The following PRPF8 variants were observed in gnomAD, a reference collection of about 807,000 sequenced individuals.
PRPF8 encodes pre-mRNA-processing-splicing factor 8.
PRPF8 carries 64 observed loss-of-function variants against 285.9 expected under a neutral mutation model. The ratio of observed to expected loss-of-function variants is 0.22; its 90% CI spans 0.18 to 0.28. PRPF8 has a LOEUF of 0.28. Among genes scored for constraint, PRPF8 ranks in the 10% least tolerant of loss-of-function variants. The probability of loss-of-function intolerance (pLI) is 1.00; values close to 1 mark genes in which losing one functional copy is unlikely to be tolerated. For synonymous variants in PRPF8, 1,325 were observed against 1,118.2 expected, an observed-to-expected ratio of 1.18 and a Z score of -3.69; for missense variants, 1,426 against 3,026.7, an observed-to-expected ratio of 0.47 and a Z score of 12.41.
Position 1,661,216 on chromosome 17 carries a change from T to G in PRPF8, c.4339-54A>C. On this transcript the variant is annotated intron_variant, in intron 27 of 42. Transcript: ENST00000304992. This position sits in a 1 kb window ranked among gnomAD's most constrained non-coding sequence, Gnocchi z 7.3. ...TTCTGGGTGCCTATTGCCCCAAGTT[T>G]CGGGGATAGCCATGGATTTTCCTGA... 1.2e-6 allele frequency: 2 copies of G among 1,614,108 alleles called. No homozygotes were observed. Among genetic ancestry groups the G allele is most frequent in the Non-Finnish European group, 1.7e-6 (2 of 1,180,026 alleles).
Position 1,651,743 on chromosome 17 carries a change from C to A in PRPF8, c.6415G>T (p.Val2139Leu). ...ATCACAATGCAGCGGATCTCCTTCA[C>A]CTGGGGGTTATCTGGTGGGCTCACC... Reference protein sequence around the residue: ...YGVSPPDNPQVKEIRCIVMVP... With the variant: ...YGVSPPDNPQLKEIRCIVMVP... The change falls in exon 40 of 43, where the codon GTG becomes TTG. Residue 2139 changes from valine to leucine, a missense_variant. Physicochemically the swap from Val to Leu is conservative, Grantham distance 32. Around this residue, in one of 34 missense-constraint regions of PRPF8, gnomAD observed 160 missense variants for 373.7 expected, o/e 0.43. Coordinates refer to ENST00000304992, the MANE Select transcript of PRPF8 (RefSeq NM_006445.4). The surrounding 1 kb of genome is among the most constrained non-coding windows in gnomAD (Gnocchi z 5.1). The A allele has an allele frequency of 1.9e-6, 3 of 1,614,162 alleles. No individual in the cohort carries two copies. The highest frequency in any genetic ancestry group is 2.5e-6 in the Non-Finnish European group (3 of 1,180,038).
chr17:1,658,197 C>A lies in PRPF8; in HGVS notation c.5505+56G>T. ...AACCAGTAAATATTACCAAGTCCAC[C>A]CCAAGAATAAGAGGCAACATGGTTC... On this transcript the variant is annotated intron_variant, in intron 34 of 42. Transcript: ENST00000304992. The surrounding 1 kb of genome is among the most constrained non-coding windows in gnomAD (Gnocchi z 4.1). 1 of 1,612,628 alleles carries A rather than the reference C, an allele frequency of 6.2e-7. No homozygotes were observed. Among genetic ancestry groups the A allele is most frequent in the Non-Finnish European group, 8.5e-7 (1 of 1,179,636 alleles).
chr17:1,671,188 A>G (rs1483989090), intron 24 of PRPF8, among the ~76,000 whole-genome samples: 1 of 152,152 alleles, frequency 6.6e-6, no homozygotes, highest in African/African-American at 2.4e-5. Flanking sequence ...GTCTCATCAC[A>G]TGCTACTTCT....
In PRPF8 at chr17:1,659,683, T is replaced by C; in HGVS notation, c.4947-135A>G. The C allele has an allele frequency of 7.4e-7, 1 of 1,360,296 alleles. No individual in the cohort carries two copies. Among genetic ancestry groups the C allele is most frequent in the South Asian group, 1.2e-5 (1 of 81,664 alleles). The allele number at this position is 1,360,296 out of a possible 1,614,324, so 84.3% of individuals were successfully genotyped here. ...TCCAGGTCAGCAGGACCCCAGAGAA[T>C]CAGCAGATCTGACTAAGGGTGTTGA... is the stretch of plus-strand genomic sequence containing the variant. On this transcript the variant is annotated intron_variant, in intron 31 of 42. Transcript: ENST00000304992. This position sits in a 1 kb window ranked among gnomAD's most constrained non-coding sequence, Gnocchi z 5.1.
In PRPF8 at chr17:1,658,241, AAAC is replaced by A; in HGVS notation, c.5505+9_5505+11del. On this transcript the variant is annotated intron_variant, in intron 34 of 42. Coordinates refer to ENST00000304992, the MANE Select transcript of PRPF8 (RefSeq NM_006445.4). This position sits in a 1 kb window ranked among gnomAD's most constrained non-coding sequence, Gnocchi z 4.1. Reference sequence around the variant, plus strand: ...ATGGTTCTACAGCCTCTTCATCTTTAAACCTGCTCACCTGCCCCAAACGCTTCT... The same window carrying A: ...ATGGTTCTACAGCCTCTTCATCTTTACTGCTCACCTGCCCCAAACGCTTCT... The A allele has an allele frequency of 6.2e-7, 1 of 1,614,144 alleles. No homozygotes were observed. The highest frequency in any genetic ancestry group is 8.5e-7 in the Non-Finnish European group (1 of 1,180,032).
At chr17:1,654,620 T>G (rs1419900690) in intron 37 of PRPF8, 3 of 176,516 alleles carry the variant, frequency 1.7e-5, no homozygotes, top group East Asian at 1.4e-4. Context: ...TCCTCGAGAC[T>G]CTGTAAGATA....
At chr17:1,663,832 C>CA (rs368262583) in intron 24 of PRPF8, among the ~76,000 whole-genome samples, 8 of 147,778 alleles carry the variant, frequency 5.4e-5, no homozygotes, top group African/African-American at 2.0e-4. Flanking sequence ...CATGCAAACA[C>CA]AAAACAAAGC....
Position 1,653,836 on chromosome 17 carries a change from G to A in PRPF8, c.6168C>T (p.Thr2056=). 1 of 1,614,146 alleles carries A rather than the reference G, an allele frequency of 6.2e-7. No homozygotes were observed. Among genetic ancestry groups the A allele is most frequent in the Middle Eastern group, 1.6e-4 (1 of 6,062 alleles). The change falls in exon 38 of 43, where the codon ACC becomes ACT. Residue 2056 remains threonine, a synonymous_variant. Transcript: ENST00000304992. This position sits in a 1 kb window ranked among gnomAD's most constrained non-coding sequence, Gnocchi z 4.9. The part of the protein sequence containing the change: ...TVNKHGDEII[T]STTSNYETQT... ...GGGTCTCATAGTTGCTGGTGGTGGA[G>A]GTGATGATCTCATCGCCATGCTTGT...
rs1452685644 is a variant in PRPF8 at position 1,672,896 on chromosome 17, A to C, written c.3774+185T>G. The C allele has an allele frequency of 2.1e-5, 14 of 652,742 alleles. No homozygotes were observed. In the Admixed American group the frequency reaches 3.2e-4, roughly 15 times the overall value. The allele number at this position is 652,742 out of a possible 1,614,324, so 40.4% of individuals were successfully genotyped here. ...AGGAGGCTACACAATTTCTACAAGG[A>C]ACGCTCAGAAAATAACGATGAAGTG... On this transcript the variant is annotated intron_variant, in intron 24 of 42. Transcript: ENST00000304992.
At chr17:1,681,244 G>A (rs760752190) in intron 6 of PRPF8, among the ~76,000 whole-genome samples, 190 bp from the exon 7 acceptor site, 4 of 151,986 alleles carry the variant, frequency 2.6e-5, no homozygotes, top group African/African-American at 7.3e-5. Flanking sequence ...GTGTCACCAC[G>A]CCCAGCTACA....
chr17:1,677,228 G>T, intron 14 of PRPF8, 56 bp from the exon 15 acceptor site: 9 of 1,509,730 alleles, frequency 6.0e-6, no homozygotes, highest in Non-Finnish European at 8.2e-6. Flanking sequence ...TTTCAATAAG[G>T]GTCTCTACCT....
In PRPF8 at chr17:1,679,412, T is replaced by C. The variant is rs1912783640; in HGVS notation, c.1290-2A>G. ...CCGGCAGGACAATGCTCCCGATACC[T>C]GGAAAAATAAGCCCACCAGAGTTTG... On this transcript the variant is annotated splice_acceptor_variant, in intron 9 of 42. Transcript: ENST00000304992. LOFTEE classifies it high-confidence loss of function. This position sits in a 1 kb window ranked among gnomAD's most constrained non-coding sequence, Gnocchi z 4.7. 6.2e-7 allele frequency: 1 copy of C among 1,612,088 alleles called. No individual in the cohort carries two copies. Among genetic ancestry groups the C allele is most frequent in the Non-Finnish European group, 8.5e-7 (1 of 1,179,944 alleles).
chr17:1,657,388 G>A (rs1383255044), intron 34 of PRPF8, among the ~76,000 whole-genome samples: 1 of 152,186 alleles, frequency 6.6e-6, no homozygotes, highest in Non-Finnish European at 1.5e-5. Flanking sequence ...GCTCAAGCCT[G>A]TAATCCCAGC....
chr17:1,670,935 CAAA>C (rs760394063), intron 24 of PRPF8, among the ~76,000 whole-genome samples: 1 of 120,088 alleles, frequency 8.3e-6, no homozygotes. Flanking sequence ...TGTGGGAAGC[CAAA>C]AAAAAAAAAG....
intron 24 of PRPF8, among the ~76,000 whole-genome samples, chr17:1,666,184 A>G (rs932540573): frequency 3.3e-5 from 5 of 151,688 alleles, no homozygotes; most frequent in Admixed American, 6.6e-5. Flanking sequence ...AAAAAGAGAA[A>G]GGTCCAAAAT....
Position 1,675,457 on chromosome 17 carries a change from G to C in PRPF8, c.2873-118C>G. The C allele has an allele frequency of 6.9e-7, 1 of 1,447,024 alleles. No individual in the cohort carries two copies. The highest frequency in any genetic ancestry group is 1.1e-5 in the South Asian group (1 of 87,620). The allele number at this position is 1,447,024 out of a possible 1,614,324, so 89.6% of individuals were successfully genotyped here. Reference sequence around the variant, plus strand: ...CACTATGATTCCACGTATTCATTTGGATTGCTTTGACTATGGGCTTTTCCT... The same window carrying C: ...CACTATGATTCCACGTATTCATTTGCATTGCTTTGACTATGGGCTTTTCCT... On this transcript the variant is annotated intron_variant, in intron 19 of 42. Coordinates refer to ENST00000304992, the MANE Select transcript of PRPF8 (RefSeq NM_006445.4). This position sits in a 1 kb window ranked among gnomAD's most constrained non-coding sequence, Gnocchi z 6.0.
In PRPF8 at chr17:1,681,657, C is replaced by A. The variant is rs1304921086; in HGVS notation, c.687G>T (p.Gln229His). Residue 229 changes from glutamine to histidine, a missense_variant, in exon 6 of 43, where the codon CAG (glutamine) becomes CAT (histidine). Physicochemically the swap from Gln to His is conservative, Grantham distance 24. Coordinates refer to ENST00000304992, the MANE Select transcript of PRPF8 (RefSeq NM_006445.4). ...GAGTCGACATCATAGGTAGTGTGAACTGCCAGCGCTGGTAAGTGGAGCCAT... is the reference window on the plus strand; with the variant it reads ...GAGTCGACATCATAGGTAGTGTGAAATGCCAGCGCTGGTAAGTGGAGCCAT... ...YVNGSTYQRW[Q>H]FTLPMMSTLY... 1 of 1,614,134 alleles carries A rather than the reference C, an allele frequency of 6.2e-7. No homozygotes were observed. The highest frequency in any genetic ancestry group is 1.7e-5 in the Admixed American group (1 of 60,010).
chr17:1,670,956 A>C lies in PRPF8; in HGVS notation c.3774+2125T>G, dbSNP rs143320021. ...AAGCCAAAAAAAAAAAAGAAGAAAA[A>C]CACATCTGACAAAGTCACTCTGTGC... On this transcript the variant is annotated intron_variant, in intron 24 of 42. Transcript: ENST00000304992. 2.1e-4 allele frequency among the ~76,000 whole-genome samples: 32 copies of C among 152,128 alleles called. No individual in the cohort carries two copies. The East Asian group carries it at 5.6e-3, about 27-fold the overall frequency.
chr17:1,682,199 T>C lies in PRPF8; in HGVS notation c.364A>G (p.Ile122Val). The change falls in exon 4 of 43, where the codon ATC becomes GTC. Residue 122 changes from isoleucine (I) to valine (V), a missense_variant. By Grantham distance (29) the Ile-to-Val change is conservative. This residue lies in a region of PRPF8 where 96 missense variants were observed against 188.3 expected (regional missense o/e 0.51). Coordinates refer to ENST00000304992, the MANE Select transcript of PRPF8 (RefSeq NM_006445.4). ...TTGACGAAGGAAATGGCTCCAGTGA[T>C]GTGGTACAGCACAGGCACATCCCGA... ...QIRDVPVLYH[I>V]TGAISFVNEI... The C allele has an allele frequency of 6.2e-7, 1 of 1,614,112 alleles. No homozygotes were observed. Among genetic ancestry groups the C allele is most frequent in the South Asian group, 1.1e-5 (1 of 91,076 alleles).
Sources: gnomAD v4.1 joint callset for allele counts (sites outside exome capture counted in the v4.1 genomes callset) on GRCh38, gnomAD v4.1.1 for gene constraint, gnomAD v4.1.1 regional missense constraint, Gnocchi (gnomAD v3.1) non-coding constraint, MANE v1.5 for transcripts, NCBI Gene and HGNC (gene_info 2026-07-23, HGNC 2026-07-21) for gene names.